ADAM2: variants seen among roughly 807,000 people sequenced by gnomAD.
The protein encoded by ADAM2 is disintegrin and metalloproteinase domain-containing protein 2.
Under a neutral mutation model 99.3 loss-of-function variants are expected in ADAM2, and 101 were observed. The ratio of observed to expected loss-of-function variants is 1.02; its 90% confidence interval spans 0.87 to 1.20. The LOEUF is 1.20. Ranked by LOEUF, ADAM2 falls within the 50% of genes most tolerant of loss-of-function variation. The pLI, the probability that ADAM2 is intolerant of heterozygous loss-of-function variation, is 0.00. For missense variants in ADAM2, 948 were observed against 878.7 expected (o/e 1.08, Z -1.00); for synonymous variants, 323 against 287.6 (o/e 1.12, Z -1.25).
chr8:39,808,940 A>T (rs1804574348), intron 7 of ADAM2, among the ~76,000 whole-genome samples: 1 of 152,124 alleles, frequency 6.6e-6, no homozygotes, highest in African/African-American at 2.4e-5. Flanking sequence ...TAAATACATA[A>T]AGAAAAATAA....
intron 11 of ADAM2, among the ~76,000 whole-genome samples, chr8:39,772,120 A>AAAG (rs1802808290): frequency 1.3e-5 from 2 of 151,732 alleles, no homozygotes; most frequent in African/African-American, 4.8e-5. Context: ...AAAAAAAAAA[A>AAAG]AAAAGAAAAG....
intron 6 of ADAM2, among the ~76,000 whole-genome samples, chr8:39,819,963 G>C (rs1824887566): frequency 1.3e-5 from 2 of 152,066 alleles, no homozygotes; most frequent in South Asian, 4.1e-4. Context: ...ATTGGTGCTG[G>C]GGTTTTGGGA....
At chr8:39,832,668 A>G (rs1805664299) in intron 3 of ADAM2, among the ~76,000 whole-genome samples, 1 of 152,226 alleles carries the variant, frequency 6.6e-6, no homozygotes, top group Non-Finnish European at 1.5e-5. Flanking sequence ...TCTTGAATTT[A>G]CAAATATCTG....
At chr8:39,764,656 T>C (rs1367405811) in intron 14 of ADAM2, among the ~76,000 whole-genome samples, 1 of 152,164 alleles carries the variant, frequency 6.6e-6, no homozygotes, top group Non-Finnish European at 1.5e-5. Context: ...GTGCTATTAG[T>C]GTTGGCCTCT....
At chr8:39,789,828 A>C (rs78811391) in intron 7 of ADAM2, among the ~76,000 whole-genome samples, 1 of 151,912 alleles carries the variant, frequency 6.6e-6, no homozygotes, top group South Asian at 2.1e-4. Flanking sequence ...TATATAAAGA[A>C]CATTTACAAC....
intron 4 of ADAM2, among the ~76,000 whole-genome samples, chr8:39,822,197 C>G (rs1372619176): frequency 6.6e-6 from 1 of 152,046 alleles, no homozygotes; most frequent in Non-Finnish European, 1.5e-5. Context: ...TTATTTTTAT[C>G]ACCAATTGGG....
chr8:39,764,176 C>T (rs1303100699), intron 14 of ADAM2, among the ~76,000 whole-genome samples: 2 of 152,104 alleles, frequency 1.3e-5, no homozygotes, highest in Non-Finnish European at 2.9e-5. Context: ...GATGCCAAGG[C>T]AGGAGGATTA....
intron 8 of ADAM2, 63 bp downstream of exon 8, chr8:39,788,606 T>C: frequency 8.8e-7 from 1 of 1,136,072 alleles, no homozygotes; most frequent in South Asian, 1.5e-5. Context: ...AGTGTCATAA[T>C]GAGGTGTAGA....
chr8:39,829,373 A>G (rs2129589030), intron 3 of ADAM2, among the ~76,000 whole-genome samples: 1 of 152,094 alleles, frequency 6.6e-6, no homozygotes, highest in East Asian at 1.9e-4. Flanking sequence ...CAGGGGAGAA[A>G]TTCCATATGG....
intron 11 of ADAM2, among the ~76,000 whole-genome samples, chr8:39,771,775 A>C (rs896611910): frequency 6.6e-6 from 1 of 152,136 alleles, no homozygotes; most frequent in East Asian, 1.9e-4. Flanking sequence ...ATTGCCAAGA[A>C]TTCAAATGAT....
At chr8:39,780,901 T>A (rs746679599) in intron 10 of ADAM2, among the ~76,000 whole-genome samples, 1 of 152,164 alleles carries the variant, frequency 6.6e-6, no homozygotes, top group African/African-American at 2.4e-5. Context: ...GAAAATGCGA[T>A]CAAATAATCT....
At chr8:39,781,492 T>C (rs1012937839) in intron 10 of ADAM2, among the ~76,000 whole-genome samples, 5 of 152,204 alleles carry the variant, frequency 3.3e-5, no homozygotes, top group Non-Finnish European at 7.3e-5. Context: ...TAAGTATTTA[T>C]TATTTTATTT....
intron 7 of ADAM2, among the ~76,000 whole-genome samples, chr8:39,799,678 T>C (rs1246548370): frequency 6.6e-6 from 1 of 152,230 alleles, no homozygotes. Flanking sequence ...CAAGTCTCTT[T>C]GTAGATCTCT....
chr8:39,771,464 T>G (rs1378889718), intron 11 of ADAM2, among the ~76,000 whole-genome samples: 2 of 152,196 alleles, frequency 1.3e-5, no homozygotes, highest in Admixed American at 1.3e-4. Flanking sequence ...TTTAATTTTG[T>G]TATAATTTTG....
In ADAM2 at chr8:39,827,840, T is replaced by G. The variant is rs536033227; in HGVS notation, c.189-2943A>C. On this transcript the variant is annotated intron_variant, in intron 3 of 20. Coordinates refer to ENST00000265708, the MANE Select transcript of ADAM2 (RefSeq NM_001464.5). ...ACTGTAGTTAGTAATGTTTTATACT[T>G]GAAAATTGCTAAGGGATTAGATCTC... 2.6e-5 allele frequency among the ~76,000 whole-genome samples: 4 copies of G among 152,198 alleles called. No individual in the cohort carries two copies. In the South Asian group the frequency reaches 8.3e-4, roughly 32 times the overall value.
chr8:39,812,573 C>T (rs1410008354), intron 6 of ADAM2, among the ~76,000 whole-genome samples: 1 of 152,076 alleles, frequency 6.6e-6, no homozygotes, highest in African/African-American at 2.4e-5. Flanking sequence ...GGTACCAAAA[C>T]AGAGATATAG....
intron 7 of ADAM2, among the ~76,000 whole-genome samples, chr8:39,793,681 G>T (rs1279842276): frequency 6.6e-6 from 1 of 152,080 alleles, no homozygotes; most frequent in African/African-American, 2.4e-5. Context: ...CCTTGGTATG[G>T]CAGCCTCATG....
chr8:39,766,817 C>A, intron 14 of ADAM2, 31 bp downstream of exon 14: 1 of 1,485,938 alleles, frequency 6.7e-7, no homozygotes, highest in East Asian at 2.3e-5. Context: ...GAAAAAAACG[C>A]ATATATGAGA....
At chr8:39,756,004 C>A (rs1802138406) in intron 15 of ADAM2, 93 bp from the exon 16 acceptor site, 1 of 700,002 alleles carries the variant, frequency 1.4e-6, no homozygotes, top group Non-Finnish European at 2.2e-6. Context: ...ATAAAGTATT[C>A]AAGGTTTGCA....
Sources: allele counts gnomAD v4.1 joint callset (sites outside exome capture counted in the v4.1 genomes callset), GRCh38; gene constraint gnomAD v4.1.1; transcripts MANE v1.5; gene names NCBI Gene and HGNC (gene_info 2026-07-23, HGNC 2026-07-21).